The following SYNE2 variants were observed in gnomAD, a reference collection of about 807,000 sequenced individuals.
SYNE2 encodes the protein nesprin-2.
Under a neutral mutation model 856.3 loss-of-function variants are expected in SYNE2, and 431 were observed. That is an observed-to-expected ratio of 0.50 (90% CI 0.47 to 0.55). The LOEUF is 0.55. Among genes scored for constraint, SYNE2 ranks in the 20% least tolerant of loss-of-function variants. The pLI is 0.00. For missense variants in SYNE2, 8,129 were observed against 8,023.2 expected (o/e 1.01, Z -0.50); for synonymous variants, 2,923 against 2,872.3 (o/e 1.02, Z -0.56).
Position 64,022,800 on chromosome 14 carries a change from T to G in SYNE2, c.5574T>G (p.Leu1858=), listed in dbSNP as rs2153534931. The G allele has an allele frequency of 6.2e-7, 1 of 1,612,080 alleles. No individual in the cohort carries two copies. Among genetic ancestry groups the G allele is most frequent in the Non-Finnish European group, 8.5e-7 (1 of 1,178,588 alleles). Residue 1858 remains leucine, a synonymous_variant, in exon 38 of 116, where the codon CTT becomes CTG. Coordinates refer to ENST00000555002, the MANE Select transcript of SYNE2 (RefSeq NM_182914.3). ...NDWFSNIKVN[L]KECFESSETK... ...GGTTCAGCAACATTAAAGTGAACCT[T>G]AAGGAGTGTTTTGAATCATCAGAAA...
rs142034807 is a variant in SYNE2 at position 64,070,149 on chromosome 14, T to C, written c.10432-496T>C. Among the ~76,000 whole-genome samples, 288 of 152,370 alleles carry C rather than the reference T, an allele frequency of 1.9e-3. 2 individuals carry two copies. The highest frequency in any genetic ancestry group is 6.8e-3 in the African/African-American group (281 of 41,590). ...CACTATTGATAAATACTTCACTGGT[T>C]TGGTAATTCTGGCTGCTTTACCTTT... On this transcript the variant is annotated intron_variant, in intron 51 of 115. Transcript: ENST00000555002.
At chr14:64,037,300 C>G (rs530706024) in intron 45 of SYNE2, among the ~76,000 whole-genome samples, 18 of 151,698 alleles carry the variant, frequency 1.2e-4, no homozygotes, top group Non-Finnish European at 2.1e-4. Context: ...GTTTGTGTCC[C>G]TGGGTACTTG....
chr14:64,144,636 C>CA (rs1432766746), intron 83 of SYNE2, among the ~76,000 whole-genome samples: 1 of 152,132 alleles, frequency 6.6e-6, no homozygotes, highest in Non-Finnish European at 1.5e-5. Context: ...CAGATAAGGA[C>CA]AAAAACCCAA....
intron 8 of SYNE2, chr14:63,960,778 G>T (rs373917401): frequency 2.8e-5 from 21 of 763,416 alleles, no homozygotes; most frequent in Non-Finnish European, 4.6e-5. Context: ...TATATGCCTG[G>T]CACAGTGTCT....
At chr14:64,007,783 G>A (rs529067721) in intron 31 of SYNE2, among the ~76,000 whole-genome samples, 1 of 151,980 alleles carries the variant, frequency 6.6e-6, no homozygotes, top group Non-Finnish European at 1.5e-5. Flanking sequence ...GGCTGGGGTG[G>A]CCGGATCACC....
intron 21 of SYNE2, among the ~76,000 whole-genome samples, chr14:63,993,523 T>C (rs1362725741): frequency 6.6e-6 from 1 of 152,244 alleles, no homozygotes; most frequent in African/African-American, 2.4e-5. Flanking sequence ...CAGTGAACTT[T>C]ATAATTACTT....
intron 1 of SYNE2, among the ~76,000 whole-genome samples, chr14:63,847,044 A>G (rs1890248430): frequency 6.6e-6 from 1 of 151,566 alleles, no homozygotes; most frequent in East Asian, 2.0e-4. Context: ...TTGGTCTTGA[A>G]TTCCCCGGCT....
intron 1 of SYNE2, among the ~76,000 whole-genome samples, chr14:63,801,362 G>A (rs543841438): frequency 1.3e-5 from 2 of 152,034 alleles, no homozygotes; most frequent in East Asian, 1.9e-4. Context: ...AATAACTTAC[G>A]GAGAAATAAA....
chr14:63,815,042 A>ATATATAT (rs1888863612), intron 1 of SYNE2, among the ~76,000 whole-genome samples: 1 of 64,968 alleles, frequency 1.5e-5, no homozygotes. Context: ...ATATACATCC[A>ATATATAT]CATATATATA....
chr14:63,974,759 C>A (rs113573987), intron 11 of SYNE2, among the ~76,000 whole-genome samples: 2 of 135,966 alleles, frequency 1.5e-5, no homozygotes, highest in Non-Finnish European at 3.1e-5. Flanking sequence ...TATGTATATA[C>A]GTGTGTGTGT....
intron 1 of SYNE2, among the ~76,000 whole-genome samples, chr14:63,806,962 G>C (rs1399367566): frequency 6.7e-6 from 1 of 148,702 alleles, no homozygotes; most frequent in East Asian, 2.0e-4. Flanking sequence ...TGATCCTCTT[G>C]CCTTGGCCCC....
At chr14:63,885,226 C>T (rs978665912) in intron 1 of SYNE2, among the ~76,000 whole-genome samples, 3 of 152,168 alleles carry the variant, frequency 2.0e-5, no homozygotes, top group Admixed American at 2.0e-4. Context: ...CCAGAGCTCA[C>T]CATGGGGTTA....
At chr14:64,118,645 G>A (rs1188816566) in intron 66 of SYNE2, among the ~76,000 whole-genome samples, 6 of 152,068 alleles carry the variant, frequency 3.9e-5, no homozygotes, top group Non-Finnish European at 7.4e-5. Flanking sequence ...GGCAGATCAC[G>A]AGGTCAGGAG....
At chr14:63,794,480 G>A (rs772328365) in intron 1 of SYNE2, among the ~76,000 whole-genome samples, 26 of 152,092 alleles carry the variant, frequency 1.7e-4, no homozygotes, top group African/African-American at 4.6e-4. Flanking sequence ...GTGAGCCACC[G>A]TGCCCAGCCA....
At chr14:63,771,388 T>C (rs1886906410) in intron 1 of SYNE2, among the ~76,000 whole-genome samples, 1 of 152,140 alleles carries the variant, frequency 6.6e-6, no homozygotes, top group Non-Finnish European at 1.5e-5. Flanking sequence ...ACTCTTGATG[T>C]GACTGAAATT....
In SYNE2 at chr14:64,162,277, G is replaced by A; in HGVS notation, c.16299+1G>A. The stretch of plus-strand genomic sequence containing the variant: ...GCCCCCAGCCCTGCAGGACATAAAG[G>A]TGGGTACAAAGCCCATTTGGAAAAC... On this transcript the variant is annotated splice_donor_variant, in intron 88 of 115. Transcript: ENST00000555002. LOFTEE classifies it high-confidence loss of function. 6.2e-7 allele frequency: 1 copy of A among 1,614,120 alleles called. No individual in the cohort carries two copies. Among genetic ancestry groups the A allele is most frequent in the Non-Finnish European group, 8.5e-7 (1 of 1,179,988 alleles).
At chr14:64,050,782 G>A (rs1480229134) in intron 47 of SYNE2, among the ~76,000 whole-genome samples, 1 of 152,076 alleles carries the variant, frequency 6.6e-6, no homozygotes, top group African/African-American at 2.4e-5. Context: ...ACTTTGGGAG[G>A]CTGAGGCAGG....
In SYNE2 at chr14:64,027,893, GTTTTA is replaced by G. The variant is rs534849268; in HGVS notation, c.6714+125_6714+129del. 134 of 1,015,274 alleles carry G rather than the reference GTTTTA, an allele frequency of 1.3e-4. 3 individuals carry two copies. The highest frequency in any genetic ancestry group is 8.6e-4 in the South Asian group (55 of 64,184). The allele number at this position is 1,015,274 out of a possible 1,614,324, so 62.9% of individuals were successfully genotyped here. On this transcript the variant is annotated intron_variant, in intron 43 of 115. Coordinates refer to ENST00000555002, the MANE Select transcript of SYNE2 (RefSeq NM_182914.3). ...CTGTTGTTGTTGTTCATTTTGTTTTGTTTTATTTTATTTTATTTTATTTTATTTTT... is the reference window on the plus strand; with the variant it reads ...CTGTTGTTGTTGTTCATTTTGTTTTGTTTTATTTTATTTTATTTTATTTTT...
At chr14:64,217,913 C>G (rs552980427) in intron 108 of SYNE2, among the ~76,000 whole-genome samples, 1 of 152,280 alleles carries the variant, frequency 6.6e-6, no homozygotes, top group East Asian at 1.9e-4. Context: ...AAGATAAACA[C>G]TTGGTAACGA....
Sources: gnomAD v4.1 joint callset for allele counts (sites outside exome capture counted in the v4.1 genomes callset) on GRCh38, gnomAD v4.1.1 for gene constraint, MANE v1.5 for transcripts, NCBI Gene and HGNC (gene_info 2026-07-23, HGNC 2026-07-21) for gene names.